Variants in NDUFA10 observed in about 807,000 individuals in gnomAD.
NDUFA10 encodes NADH dehydrogenase [ubiquinone] 1 alpha subcomplex subunit 10, mitochondrial.
NDUFA10 carries 40 observed loss-of-function variants against 47.8 expected under a neutral mutation model. That is an observed-to-expected ratio of 0.84 (90% CI 0.65 to 1.09). The LOEUF (loss-of-function observed/expected upper bound fraction) is 1.09. Ranked by LOEUF, NDUFA10 falls within the 50% of genes least tolerant of loss-of-function variation. The probability of loss-of-function intolerance (pLI) is 0.00; values close to 1 mark genes in which losing one functional copy is unlikely to be tolerated. For missense variants in NDUFA10, 413 were observed against 451.1 expected (o/e 0.92, Z 0.76); for synonymous variants, 183 against 172.2 (o/e 1.06, Z -0.49).
At chr2:239,917,227 T>C (rs900029807) in intron 4 of NDUFA10, among the ~76,000 whole-genome samples, 9 of 152,062 alleles carry the variant, frequency 5.9e-5, no homozygotes, top group African/African-American at 2.2e-4. Context: ...GAAATAGGCT[T>C]TCCTGGATTA....
At chr2:240,025,203 C>T (rs761798068) in intron 1 of NDUFA10, 24 bp downstream of exon 1, 2 of 1,470,796 alleles carry the variant, frequency 1.4e-6, no homozygotes, top group South Asian at 2.6e-5. Flanking sequence ...ACCCCGCCAC[C>T]CTGCCACCCC....
downstream of NDUFA10, among the ~76,000 whole-genome samples, chr2:239,955,500 G>A (rs1694635593): frequency 1.3e-5 from 2 of 152,196 alleles, no homozygotes; most frequent in South Asian, 4.1e-4. Context: ...ATGACCAGTT[G>A]CTCAGTGGTC....
At chr2:239,969,428 T>C in intron 9 of NDUFA10, 1 of 306,502 alleles carries the variant, frequency 3.3e-6, no homozygotes, top group South Asian at 2.7e-5. Flanking sequence ...GCAACGCTCC[T>C]GCTGCTCCTG....
intron 4 of NDUFA10, among the ~76,000 whole-genome samples, chr2:239,901,538 G>A (rs551764279): frequency 6.6e-6 from 1 of 151,934 alleles, no homozygotes; most frequent in Non-Finnish European, 1.5e-5. Context: ...CTCTGATGGA[G>A]AGGCATAAGG....
intron 4 of NDUFA10, among the ~76,000 whole-genome samples, chr2:239,909,952 G>GA (rs199519387): frequency 0.012 from 1,317 of 113,164 alleles, 23 homozygotes; most frequent in Admixed American, 0.049. Context: ...GCAAACATAT[G>GA]AAAAAAAAAA....
intron 9 of NDUFA10, among the ~76,000 whole-genome samples, chr2:239,978,924 C>T (rs1034685098): frequency 1.3e-4 from 20 of 152,194 alleles, no homozygotes; most frequent in African/African-American, 3.9e-4. Context: ...TATAAAAGAA[C>T]TTGAGCTCTA....
chr2:239,923,138 A>G (rs1253754559), intron 4 of NDUFA10, among the ~76,000 whole-genome samples: 1 of 152,216 alleles, frequency 6.6e-6, no homozygotes, highest in Non-Finnish European at 1.5e-5. Context: ...TCCAAAATAC[A>G]TAGCCACTGA....
Position 239,959,589 on chromosome 2 carries a change from T to C in NDUFA10, c.*1529A>G. On this transcript the variant is annotated 3_prime_UTR_variant, in exon 10 of 10. Coordinates refer to ENST00000252711, the MANE Select transcript of NDUFA10 (RefSeq NM_004544.4). ...AATCTCGACTCCAATTCAAAACTCCTGGGAAACTTTATTTTCAAATTCTTA... is the reference window on the plus strand; with the variant it reads ...AATCTCGACTCCAATTCAAAACTCCCGGGAAACTTTATTTTCAAATTCTTA... 1 of 985,436 alleles carries C rather than the reference T, an allele frequency of 1.0e-6. No homozygotes were observed. The highest frequency in any genetic ancestry group is 1.1e-4 in the East Asian group (1 of 8,812). 61.0% of individuals were successfully genotyped at this position (985,436 alleles called of 1,614,324 possible).
chr2:239,973,203 CT>C (rs1192770217), intron 9 of NDUFA10, among the ~76,000 whole-genome samples: 1 of 152,040 alleles, frequency 6.6e-6, no homozygotes. Flanking sequence ...TACTTTCAAA[CT>C]TAATTAAGTA....
chr2:240,020,484 C>CA (rs2106500161), intron 3 of NDUFA10, among the ~76,000 whole-genome samples: 1 of 152,308 alleles, frequency 6.6e-6, no homozygotes, highest in South Asian at 2.1e-4. Flanking sequence ...CTGCTGTTTC[C>CA]CAGAATGATT....
intron 4 of NDUFA10, among the ~76,000 whole-genome samples, chr2:239,941,762 G>GA (rs777033462): frequency 1.7e-4 from 26 of 151,366 alleles, no homozygotes; most frequent in Non-Finnish European, 3.5e-4. Context: ...AGGAAGAAAG[G>GA]AAAAAAAATT....
chr2:240,007,975 T>C (rs1697010540), intron 6 of NDUFA10, among the ~76,000 whole-genome samples: 1 of 152,220 alleles, frequency 6.6e-6, no homozygotes, highest in African/African-American at 2.4e-5. Flanking sequence ...ACTCCAAGAA[T>C]GTACAAGCTA....
rs1041967962 is a variant in NDUFA10 at position 239,960,654 on chromosome 2, C to T, written c.*464G>A. On this transcript the variant is annotated 3_prime_UTR_variant, in exon 10 of 10. Transcript: ENST00000252711. ...TAATGTAAGCCTCAATTAAACCACACCACACCAAACAGGGCCCAGAGCAGC... is the reference window on the plus strand; with the variant it reads ...TAATGTAAGCCTCAATTAAACCACATCACACCAAACAGGGCCCAGAGCAGC... 2 of 1,073,910 alleles carry T rather than the reference C, an allele frequency of 1.9e-6. No homozygotes were observed. The highest frequency in any genetic ancestry group is 2.3e-6 in the Non-Finnish European group (2 of 881,226). The allele number at this position is 1,073,910 out of a possible 1,614,324, so 66.5% of individuals were successfully genotyped here.
intron 9 of NDUFA10, among the ~76,000 whole-genome samples, chr2:239,973,256 C>T (rs890284394): frequency 1.1e-4 from 17 of 151,972 alleles, no homozygotes; most frequent in Non-Finnish European, 1.9e-4. Context: ...AACTAGATAC[C>T]AAACTGAGTT....
At chr2:239,976,022 TAGTCAAGA>T (rs1248156644) in intron 9 of NDUFA10, among the ~76,000 whole-genome samples, 1 of 152,210 alleles carries the variant, frequency 6.6e-6, no homozygotes, top group Non-Finnish European at 1.5e-5. Context: ...GGGTTTCTAA[TAGTCAAGA>T]AGTTACTCTA....
chr2:239,926,074 C>A (rs371211023), intron 4 of NDUFA10, among the ~76,000 whole-genome samples: 1 of 152,046 alleles, frequency 6.6e-6, no homozygotes, highest in African/African-American at 2.4e-5. Flanking sequence ...CTCTGGGAAA[C>A]ATTTTGGAGT....
downstream of NDUFA10, among the ~76,000 whole-genome samples, chr2:239,955,951 A>G (rs1352366313): frequency 6.6e-6 from 1 of 152,176 alleles, no homozygotes; most frequent in East Asian, 1.9e-4. Flanking sequence ...CCTCCAGAGG[A>G]AAGCTCTGCA....
chr2:239,982,139 C>T (rs756453578), intron 9 of NDUFA10: 1 of 1,612,834 alleles, frequency 6.2e-7, no homozygotes, highest in Non-Finnish European at 8.5e-7. Flanking sequence ...GAAGGTCTTC[C>T]CACCTCCAAA....
rs2106391467 is a variant in NDUFA10 at position 239,959,809 on chromosome 2, G to A, written c.*1309C>T. On this transcript the variant is annotated 3_prime_UTR_variant, in exon 10 of 10. Transcript: ENST00000252711. ...AACAAGGACAGATGGAAGGAAGAAA[G>A]GAAGGGAGGGAAGGAGGAGGAAAGA... is the stretch of plus-strand genomic sequence containing the variant. The A allele has an allele frequency of 1.2e-6, 1 of 861,172 alleles. No individual in the cohort carries two copies. The highest frequency in any genetic ancestry group is 6.2e-5 in the Admixed American group (1 of 16,084). The allele number at this position is 861,172 out of a possible 1,614,324, so 53.3% of individuals were successfully genotyped here. A position where few individuals can be genotyped will look rare whatever the true frequency, so the allele number is the denominator to read the frequency against.
Sources: gnomAD v4.1 joint callset for allele counts (sites outside exome capture counted in the v4.1 genomes callset) on GRCh38, gnomAD v4.1.1 for gene constraint, MANE v1.5 for transcripts, NCBI Gene and HGNC (gene_info 2026-07-23, HGNC 2026-07-21) for gene names.